Variants in OXR1 observed in about 807,000 individuals in gnomAD.
OXR1 encodes oxidation resistance 1, also known as oxidation resistance protein 1.
A neutral mutation model predicts 104.6 loss-of-function variants in OXR1; 41 were observed. The ratio of observed to expected loss-of-function variants is 0.39; its 90% CI spans 0.31 to 0.51. The LOEUF is 0.51. Ranked by LOEUF, OXR1 falls within the 20% of genes least tolerant of loss-of-function variation. The pLI, the probability that OXR1 is intolerant of heterozygous loss-of-function variation, is 0.77. For synonymous variants in OXR1, 348 were observed against 348.4 expected (o/e 1.00, Z 0.01); for missense variants, 955 against 1,031.9 (o/e 0.93, Z 1.02).
At chr8:106,285,390 G>A (rs1319498830) in intron 1 of OXR1, among the ~76,000 whole-genome samples, 1 of 152,166 alleles carries the variant, frequency 6.6e-6, no homozygotes, top group Non-Finnish European at 1.5e-5. Context: ...TTAACTACCA[G>A]TGGGGATTAA....
At chr8:106,387,758 T>G (rs930560472) in intron 2 of OXR1, among the ~76,000 whole-genome samples, 3 of 152,208 alleles carry the variant, frequency 2.0e-5, no homozygotes, top group African/African-American at 4.8e-5. Context: ...TACAAGTGCA[T>G]TCGATTTTCC....
In OXR1 at chr8:106,518,979, T is replaced by G; in HGVS notation, c.60T>G (p.Ala20=). 6.4e-7 allele frequency: 1 copy of G among 1,551,634 alleles called. No homozygotes were observed. The highest frequency in any genetic ancestry group is 8.7e-7 in the Non-Finnish European group (1 of 1,146,926). The change falls in exon 3 of 17, where the codon GCT becomes GCG. Residue 20 remains alanine, a synonymous_variant. Coordinates refer to ENST00000517566, the MANE Select transcript of OXR1 (RefSeq NM_001198533.2). Reference sequence around the variant, plus strand: ...AGTCCCAGTCGGTGGATATTAATGCTCCAGGGTTCAACCCTTTGGCTGGTG... The same window carrying G: ...AGTCCCAGTCGGTGGATATTAATGCGCCAGGGTTCAACCCTTTGGCTGGTG... ...KKKSQSVDIN[A]PGFNPLAGAG...
intron 3 of OXR1, among the ~76,000 whole-genome samples, chr8:106,558,150 AG>A (rs1369549148): frequency 6.6e-6 from 1 of 152,204 alleles, no homozygotes; most frequent in Non-Finnish European, 1.5e-5. Flanking sequence ...AGTTACTGTG[AG>A]AATCACATGA....
At chr8:106,681,460 C>T (rs867580006) in intron 4 of OXR1, among the ~76,000 whole-genome samples, 1 of 152,150 alleles carries the variant, frequency 6.6e-6, no homozygotes, top group Non-Finnish European at 1.5e-5. Flanking sequence ...AATGCACACG[C>T]ACCTGCTTTT....
At chr8:106,565,623 A>T (rs2130524324) in intron 3 of OXR1, among the ~76,000 whole-genome samples, 1 of 152,320 alleles carries the variant, frequency 6.6e-6, no homozygotes, top group Middle Eastern at 3.4e-3. Flanking sequence ...ATTAGAAAAA[A>T]ACTACTTTAA....
At chr8:106,625,466 G>T (rs13272833) in intron 3 of OXR1, among the ~76,000 whole-genome samples, 6,879 of 152,238 alleles carry the variant, frequency 0.045, 193 homozygotes, top group South Asian at 0.077. Flanking sequence ...TGCAATGAAT[G>T]AAAAACAGGC....
Position 106,679,247 on chromosome 8 carries a change from A to G in OXR1, c.258A>G (p.Gly86=). ...AGAAGACCCTAGACAAGAAAGATGG[A>G]AGACGAATGTCTTTTCAGAAACCTA... ...GQKKTLDKKD[G]RRMSFQKPKG... The change falls in exon 4 of 17, where the codon GGA becomes GGG. Residue 86 remains glycine (G), a synonymous_variant. Transcript: ENST00000517566. The G allele has an allele frequency of 6.2e-7, 1 of 1,610,684 alleles. No individual in the cohort carries two copies. Among genetic ancestry groups the G allele is most frequent in the Non-Finnish European group, 8.5e-7 (1 of 1,177,496 alleles).
rs193093233 is a variant in OXR1, at chr8:106,673,177, C to T, written c.221-6033C>T. Reference sequence around the variant, plus strand: ...TAGAAACTTGTCGAATGGCTTTGACCAAAATGCTGATAGTGATAATGGTAA... The same window carrying T: ...TAGAAACTTGTCGAATGGCTTTGACTAAAATGCTGATAGTGATAATGGTAA... On this transcript the variant is annotated intron_variant, in intron 3 of 16. Coordinates refer to ENST00000517566, the MANE Select transcript of OXR1 (RefSeq NM_001198533.2). 5.3e-5 allele frequency among the ~76,000 whole-genome samples: 8 copies of T among 152,238 alleles called. No homozygotes were observed. In the East Asian group the frequency reaches 1.5e-3, roughly 29 times the overall value.
intron 2 of OXR1, among the ~76,000 whole-genome samples, chr8:106,481,328 T>C (rs1197324166): frequency 1.3e-5 from 2 of 152,010 alleles, no homozygotes; most frequent in African/African-American, 2.4e-5. Flanking sequence ...AATAAGCTTT[T>C]AGAAAATCAT....
intron 2 of OXR1, among the ~76,000 whole-genome samples, chr8:106,478,049 A>G (rs1374858132): frequency 3.3e-5 from 5 of 151,918 alleles, no homozygotes; most frequent in Admixed American, 1.3e-4. Context: ...AAGGCCTTCC[A>G]TATGATTGAT....
At chr8:106,327,909 T>C (rs1378873710) in intron 1 of OXR1, among the ~76,000 whole-genome samples, 1 of 152,254 alleles carries the variant, frequency 6.6e-6, no homozygotes, top group Admixed American at 6.5e-5. Context: ...GTCCTTGCAT[T>C]AGTCATCAGG....
At chr8:106,402,265 T>G (rs1237371461) in intron 2 of OXR1, among the ~76,000 whole-genome samples, 3 of 152,164 alleles carry the variant, frequency 2.0e-5, no homozygotes, top group African/African-American at 2.4e-5. Flanking sequence ...ATCCTTCAGG[T>G]CCTTGATGAT....
intron 3 of OXR1, among the ~76,000 whole-genome samples, chr8:106,636,911 T>C (rs1359910298): frequency 3.3e-5 from 5 of 152,204 alleles, no homozygotes; most frequent in Admixed American, 6.5e-5. Flanking sequence ...ATTTTGTAGA[T>C]ATTTGTTTGC....
chr8:106,455,560 G>T (rs1235346209), intron 2 of OXR1, among the ~76,000 whole-genome samples: 1 of 151,680 alleles, frequency 6.6e-6, no homozygotes, highest in Non-Finnish European at 1.5e-5. Context: ...CCTGATGTTA[G>T]TCATGAGTCA....
At chr8:106,313,964 A>C (rs1464755763) in intron 1 of OXR1, among the ~76,000 whole-genome samples, 3 of 152,234 alleles carry the variant, frequency 2.0e-5, no homozygotes, top group Non-Finnish European at 4.4e-5. Context: ...GAGAATCAAA[A>C]GAAGTGTATT....
chr8:106,370,995 T>C (rs892141452), intron 2 of OXR1, among the ~76,000 whole-genome samples: 1 of 152,076 alleles, frequency 6.6e-6, no homozygotes, highest in African/African-American at 2.4e-5. Context: ...TTTGTACCTC[T>C]GGTAGAATTC....
intron 2 of OXR1, among the ~76,000 whole-genome samples, chr8:106,518,049 G>C (rs969646551): frequency 1.3e-5 from 2 of 152,182 alleles, no homozygotes; most frequent in Admixed American, 1.3e-4. Flanking sequence ...AGCATGAACA[G>C]GGTCTGCAAG....
intron 2 of OXR1, among the ~76,000 whole-genome samples, chr8:106,410,570 C>G (rs1408664829): frequency 6.6e-6 from 1 of 152,052 alleles, no homozygotes. Flanking sequence ...CAAGGTAATT[C>G]CTGAAAATGG....
intron 3 of OXR1, among the ~76,000 whole-genome samples, chr8:106,669,066 G>T (rs547837033): frequency 7.9e-4 from 120 of 152,232 alleles, no homozygotes; most frequent in Non-Finnish European, 1.5e-3. Flanking sequence ...CAACTTTAAG[G>T]TCTAGATGGA....
Sources: allele counts gnomAD v4.1 joint callset (sites outside exome capture counted in the v4.1 genomes callset), GRCh38; gene constraint gnomAD v4.1.1; transcripts MANE v1.5; gene names NCBI Gene and HGNC (gene_info 2026-07-23, HGNC 2026-07-21).